SLF1: variants seen among roughly 807,000 people sequenced by gnomAD.
The protein encoded by SLF1 is SMC5-SMC6 complex localization factor protein 1.
In SLF1, 105 loss-of-function variants were observed where a neutral mutation model predicts 123.0. The observed-to-expected ratio is 0.85, with a 90% CI of 0.73 to 1.00. The LOEUF (loss-of-function observed/expected upper bound fraction) is 1.00. Among genes scored for constraint, SLF1 ranks in the 50% least tolerant of loss-of-function variants. The pLI, the probability that SLF1 is intolerant of heterozygous loss-of-function variation, is 0.00. For missense variants in SLF1, 1,239 were observed against 1,223.0 expected, an observed-to-expected ratio of 1.01 and a Z score of -0.20; for synonymous variants, 434 against 406.6, an observed-to-expected ratio of 1.07 and a Z score of -0.81.
chr5:94,666,646 C>G (rs1371829446), intron 12 of SLF1, among the ~76,000 whole-genome samples: 2 of 151,756 alleles, frequency 1.3e-5, no homozygotes, highest in African/African-American at 4.8e-5. Context: ...AAGATCTTTT[C>G]TTTTTTTGAG....
Position 94,678,809 on chromosome 5 carries a change from T to C in SLF1, c.1829T>C (p.Val610Ala). ...AATTTTTTTGTATCTTAATGTTAGG[T>C]CTTCAAACATGAACTAGCTTACTTA... ...SHKEKFKSND[V>A]FKHELAYLLA... Residue 610 changes from valine (V) to alanine (A), a missense_variant and splice_region_variant, in exon 15 of 21, where the codon GTC becomes GCC. Physicochemically the swap from Val to Ala is moderately conservative, Grantham distance 64. Transcript: ENST00000265140. 2.5e-6 allele frequency: 4 copies of C among 1,610,438 alleles called. No individual in the cohort carries two copies. Among genetic ancestry groups the C allele is most frequent in the Non-Finnish European group, 3.4e-6 (4 of 1,177,432 alleles).
At chr5:94,620,549 A>G (rs1039760592) in intron 1 of SLF1, among the ~76,000 whole-genome samples, 2 of 152,180 alleles carry the variant, frequency 1.3e-5, no homozygotes, top group African/African-American at 4.8e-5. Flanking sequence ...TCCTTATTAT[A>G]TGTATCTTGA....
intron 1 of SLF1, among the ~76,000 whole-genome samples, chr5:94,619,887 C>CT (rs1791535568): frequency 6.8e-6 from 1 of 147,640 alleles, no homozygotes; most frequent in Admixed American, 6.7e-5. Context: ...CCTTCCTTTG[C>CT]TTTCTTTCTT....
At position 94,639,918 on chromosome 5, in the gene SLF1, G is replaced by A. The variant is rs578209894; in HGVS notation, c.432-3355G>A. On this transcript the variant is annotated intron_variant, in intron 4 of 20. Transcript: ENST00000265140. ...ACTTTTGTGGACCTGTGTTGTTCAC[G>A]GGTCAACTGTATTTCCATTTGTTCT... Among the ~76,000 whole-genome samples, 14 of 152,184 alleles carry A rather than the reference G, an allele frequency of 9.2e-5. No individual in the cohort carries two copies. In the South Asian group the frequency reaches 1.5e-3, roughly 16 times the overall value.
chr5:94,625,280 CAA>C (rs1792137240), intron 1 of SLF1, among the ~76,000 whole-genome samples: 1 of 151,494 alleles, frequency 6.6e-6, no homozygotes, highest in Non-Finnish European at 1.5e-5. Context: ...TAGATAAAAA[CAA>C]GTATTGATTG....
intron 15 of SLF1, among the ~76,000 whole-genome samples, chr5:94,685,505 T>G (rs929184031): frequency 6.6e-6 from 1 of 152,128 alleles, no homozygotes; most frequent in Non-Finnish European, 1.5e-5. Flanking sequence ...ATTTTCATTA[T>G]GTTACATAGA....
intron 1 of SLF1, among the ~76,000 whole-genome samples, chr5:94,627,637 T>C (rs1744666215): frequency 1.5e-5 from 2 of 132,500 alleles, no homozygotes; most frequent in East Asian, 2.0e-4. Context: ...TTAAGAAATA[T>C]GGATTGCAAA....
intron 1 of SLF1, among the ~76,000 whole-genome samples, chr5:94,627,980 G>A (rs1022818585): frequency 6.6e-6 from 1 of 151,216 alleles, no homozygotes. Context: ...CAGACGTGCC[G>A]CCACGCTGGG....
At chr5:94,680,065 AACTG>A (rs1751587194) in intron 15 of SLF1, among the ~76,000 whole-genome samples, 1 of 152,112 alleles carries the variant, frequency 6.6e-6, no homozygotes, top group South Asian at 2.1e-4. Context: ...TGATATTTTA[AACTG>A]CCAAATAAGT....
intron 17 of SLF1, 56 bp from the exon 18 acceptor site, chr5:94,689,417 T>C (rs1752824463): frequency 1.3e-6 from 2 of 1,557,842 alleles, no homozygotes; most frequent in African/African-American, 1.4e-5. Flanking sequence ...ATCTAATGTA[T>C]GCTGGCACGC....
intron 9 of SLF1, among the ~76,000 whole-genome samples, chr5:94,655,018 A>T (rs916887419): frequency 6.6e-6 from 1 of 152,162 alleles, no homozygotes; most frequent in Non-Finnish European, 1.5e-5. Flanking sequence ...GCCTACATCA[A>T]TGCCCCGAAG....
At chr5:94,687,526 G>A (rs1400449510) in intron 16 of SLF1, among the ~76,000 whole-genome samples, 2 of 151,970 alleles carry the variant, frequency 1.3e-5, no homozygotes, top group Non-Finnish European at 2.9e-5. Flanking sequence ...GCAATACTCT[G>A]TCTCTAAAAA....
In SLF1 at chr5:94,628,824, C is replaced by A; in HGVS notation, c.14C>A (p.Thr5Asn). Residue 5 changes from threonine (T) to asparagine (N), a missense_variant, in exon 2 of 21, where the codon ACC becomes AAC. By Grantham distance (65) the Thr-to-Asn change is moderately conservative. Coordinates refer to ENST00000265140, the MANE Select transcript of SLF1 (RefSeq NM_032290.4). MEDG[T>N]PKHIIQMTGF... ...TGTATTTGTTAGATGGAAGATGGTA[C>A]CCCAAAGCATATCATCCAGATGACA... The A allele has an allele frequency of 1.3e-6, 2 of 1,544,040 alleles. No homozygotes were observed. The highest frequency in any genetic ancestry group is 1.2e-5 in the South Asian group (1 of 82,128).
At chr5:94,645,819 A>T (rs999899431) in intron 5 of SLF1, among the ~76,000 whole-genome samples, 2 of 152,202 alleles carry the variant, frequency 1.3e-5, no homozygotes, top group Non-Finnish European at 2.9e-5. Flanking sequence ...TATTGTGATC[A>T]CTTCTGATCA....
chr5:94,673,864 G>A (rs548562859), intron 14 of SLF1, among the ~76,000 whole-genome samples: 2 of 151,666 alleles, frequency 1.3e-5, no homozygotes, highest in African/African-American at 2.4e-5. Context: ...GCATTAAAAC[G>A]GGAAGATTGC....
At chr5:94,664,595 GATAAC>G (rs371053899) in intron 11 of SLF1, among the ~76,000 whole-genome samples, 89 of 152,312 alleles carry the variant, frequency 5.8e-4, no homozygotes, top group African/African-American at 1.4e-3. Context: ...GTGCTAATTT[GATAAC>G]ATAACAGGCA....
At chr5:94,664,587 G>A (rs531307300) in intron 11 of SLF1, among the ~76,000 whole-genome samples, 1 of 152,340 alleles carries the variant, frequency 6.6e-6, no homozygotes, top group Admixed American at 6.5e-5. Context: ...TCACCAAGGT[G>A]CTAATTTGAT....
chr5:94,674,691 A>T (rs2152491703), intron 14 of SLF1, among the ~76,000 whole-genome samples: 1 of 152,332 alleles, frequency 6.6e-6, no homozygotes, highest in South Asian at 2.1e-4. Context: ...TTGTTTTGTC[A>T]TAATGTCAAT....
In SLF1 at chr5:94,629,083, T is replaced by C. The variant is rs201127444; in HGVS notation, c.115-9T>C. 5.4e-5 allele frequency: 82 copies of C among 1,530,992 alleles called. No individual in the cohort carries two copies. Among genetic ancestry groups the C allele is most frequent in the Non-Finnish European group, 5.3e-6 (6 of 1,137,508 alleles). The allele number at this position is 1,530,992 out of a possible 1,614,324, so 94.8% of individuals were successfully genotyped here. ...AGTAACATTTCTTGATGTGGATTTT[T>C]CCCTCCAGAAATACAAAAATTGTAC... is the stretch of plus-strand genomic sequence containing the variant. On this transcript the variant is annotated splice_polypyrimidine_tract_variant and intron_variant, in intron 2 of 20. Coordinates refer to ENST00000265140, the MANE Select transcript of SLF1 (RefSeq NM_032290.4).
Sources: allele counts gnomAD v4.1 joint callset (sites outside exome capture counted in the v4.1 genomes callset), GRCh38; gene constraint gnomAD v4.1.1; transcripts MANE v1.5; gene names NCBI Gene and HGNC (gene_info 2026-07-23, HGNC 2026-07-21).